Variants in DLG2 observed in about 807,000 individuals in gnomAD.
DLG2 encodes discs large MAGUK scaffold protein 2, also known as disks large homolog 2.
Under a neutral mutation model 132.5 loss-of-function variants are expected in DLG2, and 45 were observed. That is an observed-to-expected ratio of 0.34 (90% CI 0.27 to 0.44). The LOEUF is 0.44. Ranked by LOEUF, DLG2 falls within the 20% of genes least tolerant of loss-of-function variation. The probability of loss-of-function intolerance (pLI) is 1.00; values close to 1 mark genes in which losing one functional copy is unlikely to be tolerated. For missense variants in DLG2, 1,045 were observed against 1,196.9 expected, an observed-to-expected ratio of 0.87 and a Z score of 1.87; for synonymous variants, 424 against 419.6, an observed-to-expected ratio of 1.01 and a Z score of -0.13.
intron 7 of DLG2, among the ~76,000 whole-genome samples, chr11:84,323,102 G>A (rs899500714): frequency 6.6e-6 from 1 of 151,482 alleles, no homozygotes; most frequent in Non-Finnish European, 1.5e-5. Flanking sequence ...GTCCAATATA[G>A]TGCTTTTAAC....
chr11:83,998,718 C>T (rs772410864), intron 11 of DLG2, among the ~76,000 whole-genome samples: 10 of 152,144 alleles, frequency 6.6e-5, no homozygotes, highest in Admixed American at 5.9e-4. Context: ...GGAGGTTGCA[C>T]TGGGTCTTAC....
At chr11:85,127,911 G>A (rs1336263447) in intron 5 of DLG2, among the ~76,000 whole-genome samples, 1 of 152,142 alleles carries the variant, frequency 6.6e-6, no homozygotes, top group Non-Finnish European at 1.5e-5. Context: ...CACCAGCTGT[G>A]ATAAAAATAT....
At chr11:84,459,601 T>G (rs1004215499) in intron 7 of DLG2, among the ~76,000 whole-genome samples, 1 of 150,732 alleles carries the variant, frequency 6.6e-6, no homozygotes, top group African/African-American at 2.4e-5. Context: ...CCCATAATTT[T>G]GCCATTAAGT....
At chr11:84,186,549 A>T (rs2096280180) in intron 8 of DLG2, among the ~76,000 whole-genome samples, 1 of 151,974 alleles carries the variant, frequency 6.6e-6, no homozygotes, top group Non-Finnish European at 1.5e-5. Context: ...TGTTAGATTG[A>T]AGTTTGTCAG....
chr11:84,770,463 T>A (rs968813754), intron 6 of DLG2, among the ~76,000 whole-genome samples: 3 of 151,978 alleles, frequency 2.0e-5, no homozygotes, highest in African/African-American at 7.3e-5. Context: ...CCTCCTCCCA[T>A]CCTCCGCCCT....
chr11:85,169,381 A>G (rs892464489), intron 4 of DLG2, among the ~76,000 whole-genome samples: 12 of 152,176 alleles, frequency 7.9e-5, no homozygotes, highest in African/African-American at 2.9e-4. Context: ...ATAAACTGAT[A>G]ACATGAAAAA....
rs144247109 is a variant in DLG2 at position 84,803,491 on chromosome 11, A to G, written c.358-268760T>C. Among the ~76,000 whole-genome samples the G allele has an allele frequency of 4.6e-5, 7 of 152,312 alleles. No homozygotes were observed. The East Asian group carries it at 9.7e-4, about 21-fold the overall frequency. On this transcript the variant is annotated intron_variant, in intron 6 of 27. Coordinates refer to ENST00000376104, the MANE Select transcript of DLG2 (RefSeq NM_001142699.3). ...GGGCCCTGAAAACGCAGTAAGTTAT[A>G]TATTTCTGATAAGCACAATCCTCCA...
intron 4 of DLG2, among the ~76,000 whole-genome samples, chr11:85,185,545 G>A (rs1197180491): frequency 3.3e-5 from 5 of 151,860 alleles, no homozygotes; most frequent in Non-Finnish European, 7.4e-5. Context: ...GAGCAGGAAA[G>A]GTGAGATTCT....
chr11:84,747,257 A>C (rs933368181), intron 6 of DLG2, among the ~76,000 whole-genome samples: 4 of 152,212 alleles, frequency 2.6e-5, no homozygotes, highest in Non-Finnish European at 4.4e-5. Context: ...TTTATTAGAA[A>C]ACAATATTAC....
intron 22 of DLG2, among the ~76,000 whole-genome samples, chr11:83,482,679 AAATC>A (rs1471758954): frequency 6.6e-6 from 1 of 152,112 alleles, no homozygotes; most frequent in Non-Finnish European, 1.5e-5. Context: ...TCAGAAAAAA[AAATC>A]AAAGTTAATA....
chr11:83,967,739 T>A (rs1226693987), intron 12 of DLG2, among the ~76,000 whole-genome samples: 1 of 152,188 alleles, frequency 6.6e-6, no homozygotes, highest in African/African-American at 2.4e-5. Flanking sequence ...TAGTCCTATT[T>A]ATTTTTCCTT....
rs542176977 is a variant in DLG2, at chr11:85,388,906, C to T, written c.41-103541G>A. 5.3e-5 allele frequency among the ~76,000 whole-genome samples: 8 copies of T among 152,090 alleles called. 1 individual carries two copies. Among genetic ancestry groups the T allele is most frequent in the Admixed American group, 3.9e-4 (6 of 15,256 alleles). ...AAAGTCTACTCATAAGAAGAAACCA[C>T]AAAAAAACAATTCTGGTAATATGAC... On this transcript the variant is annotated intron_variant, in intron 3 of 27. Coordinates refer to ENST00000376104, the MANE Select transcript of DLG2 (RefSeq NM_001142699.3).
At chr11:85,559,722 T>C (rs2077123958) in intron 3 of DLG2, among the ~76,000 whole-genome samples, 1 of 151,712 alleles carries the variant, frequency 6.6e-6, no homozygotes, top group African/African-American at 2.4e-5. Context: ...CTGAAGTTGC[T>C]GTTCATGTAG....
chr11:83,523,121 C>T (rs1218711559), intron 21 of DLG2, among the ~76,000 whole-genome samples: 1 of 152,078 alleles, frequency 6.6e-6, no homozygotes, highest in Non-Finnish European at 1.5e-5. Flanking sequence ...AAAGTGAAAC[C>T]TGCAAGCTCA....
intron 15 of DLG2, among the ~76,000 whole-genome samples, chr11:83,877,979 G>A (rs1322498337): frequency 1.3e-5 from 2 of 152,054 alleles, no homozygotes; most frequent in Non-Finnish European, 1.5e-5. Context: ...AGTTACCATC[G>A]CTAAGAAATT....
chr11:83,791,032 C>T lies in DLG2; in HGVS notation c.1723-4240G>A, dbSNP rs185421805. On this transcript the variant is annotated intron_variant, in intron 17 of 27. Transcript: ENST00000376104. The stretch of plus-strand genomic sequence containing the variant: ...AGTGAATTGGCTTGTTCCTGGCACG[C>T]GGTCTCAGACTGAAGGTCGTGGAAA... 20 of 743,434 alleles carry T rather than the reference C, an allele frequency of 2.7e-5. 1 individual carries two copies. The highest frequency in any genetic ancestry group is 2.2e-4 in the South Asian group (13 of 59,582). The allele number at this position is 743,434 out of a possible 1,614,324, so 46.1% of individuals were successfully genotyped here.
At chr11:85,356,065 C>A (rs984240265) in intron 3 of DLG2, among the ~76,000 whole-genome samples, 2 of 152,274 alleles carry the variant, frequency 1.3e-5, no homozygotes, top group Admixed American at 1.3e-4. Context: ...TTTAAACTGC[C>A]TGAACTATCC....
intron 21 of DLG2, among the ~76,000 whole-genome samples, chr11:83,518,164 T>C (rs2095359794): frequency 6.6e-6 from 1 of 152,210 alleles, no homozygotes; most frequent in Non-Finnish European, 1.5e-5. Context: ...TGTGGTGGGC[T>C]CCACCCAGTT....
intron 16 of DLG2, among the ~76,000 whole-genome samples, chr11:83,870,578 A>T (rs2063242865): frequency 6.6e-6 from 1 of 152,176 alleles, no homozygotes; most frequent in South Asian, 2.1e-4. Context: ...AAAACATGAA[A>T]CTGTGCCCCA....
Sources: gnomAD v4.1 joint callset for allele counts (sites outside exome capture counted in the v4.1 genomes callset) on GRCh38, gnomAD v4.1.1 for gene constraint, MANE v1.5 for transcripts, NCBI Gene and HGNC (gene_info 2026-07-23, HGNC 2026-07-21) for gene names.